The following ZNF362 variants were observed in gnomAD, a reference collection of about 807,000 sequenced individuals.
ZNF362 encodes zinc finger protein 362.
ZNF362 carries 11 observed loss-of-function variants against 42.9 expected under a neutral mutation model. The observed-to-expected ratio is 0.26, with a 90% CI of 0.16 to 0.42. The LOEUF (loss-of-function observed/expected upper bound fraction) is 0.42, where lower values mean the gene tolerates loss of function less well. ZNF362 is among the 20% of genes least tolerant of loss of function. ZNF362 has a pLI of 1.00. For missense variants in ZNF362, 362 were observed against 576.2 expected, an observed-to-expected ratio of 0.63 and a Z score of 3.81; for synonymous variants, 255 against 257.3, an observed-to-expected ratio of 0.99 and a Z score of 0.09.
the ZNF362 span, chr1:33,195,881 C>A: frequency 6.6e-6 from 1 of 151,954 alleles, no homozygotes; most frequent in Non-Finnish European, 1.5e-5. Flanking sequence ...AATAAATTAA[C>A]CTTAGCTTTC....
the ZNF362 span, among the ~76,000 whole-genome samples, chr1:33,167,662 C>G: frequency 1.3e-5 from 2 of 152,204 alleles, no homozygotes; most frequent in African/African-American, 4.8e-5. The surrounding 1 kb of genome is among the most constrained non-coding windows in gnomAD (Gnocchi z 4.2). Context: ...CCAAGTCAGT[C>G]TGGGCTGTGA....
chr1:33,166,489 C>A, the ZNF362 span, among the ~76,000 whole-genome samples: 1 of 152,128 alleles, frequency 6.6e-6, no homozygotes, highest in African/African-American at 2.4e-5. Context: ...GTGGGCTGGG[C>A]ACAGTTCTTA....
chr1:33,183,281 T>C, the ZNF362 span, among the ~76,000 whole-genome samples: 2 of 152,304 alleles, frequency 1.3e-5, no homozygotes, highest in South Asian at 2.1e-4. Flanking sequence ...AGAAATATCT[T>C]CATTGGTGTT....
At chr1:33,136,232 T>A in the ZNF362 span, among the ~76,000 whole-genome samples, 1 of 150,920 alleles carries the variant, frequency 6.6e-6, no homozygotes. Flanking sequence ...CCTTTCTTTC[T>A]CTTTCTTTTC....
chr1:33,243,056 A>G, the ZNF362 span, among the ~76,000 whole-genome samples: 1 of 152,046 alleles, frequency 6.6e-6, no homozygotes, highest in Non-Finnish European at 1.5e-5. Flanking sequence ...ATAATGAGAG[A>G]TATTCAAAAT....
At chr1:33,190,023 G>A in the ZNF362 span, among the ~76,000 whole-genome samples, 5 of 152,054 alleles carry the variant, frequency 3.3e-5, no homozygotes, top group East Asian at 1.9e-4. Context: ...GTGTCAGTCC[G>A]GACTCTGAAT....
chr1:33,218,666 A>C, the ZNF362 span, among the ~76,000 whole-genome samples: 1 of 152,080 alleles, frequency 6.6e-6, no homozygotes, highest in Non-Finnish European at 1.5e-5. Context: ...TCTTTTGTGA[A>C]ATGGCCTGTT....
At chr1:33,161,456 C>G in the ZNF362 span, among the ~76,000 whole-genome samples, 3 of 152,116 alleles carry the variant, frequency 2.0e-5, no homozygotes, top group Non-Finnish European at 4.4e-5. The surrounding 1 kb of genome is among the most constrained non-coding windows in gnomAD (Gnocchi z 4.3). Context: ...GTGCCCAGGG[C>G]TCTGTGGGAG....
At position 33,276,471 on chromosome 1, in the gene ZNF362, G is replaced by T. The variant is rs746967426; in HGVS notation, c.226G>T (p.Ala76Ser). ...GCCGTTGCTAGTGCCGCCGGCACCC[G>T]CCGAGAGCAGCCAGGCCGTCATGTC... ...QQPLLVPPAP[A>S]ESSQAVMSLP... The change falls in exon 4 of 9, where the codon GCC (alanine) becomes TCC (serine). Residue 76 changes from alanine to serine, a missense_variant. By Grantham distance (99) the Ala-to-Ser change is moderately conservative (BLOSUM62 1). Coordinates refer to ENST00000539719, the MANE Select transcript of ZNF362 (RefSeq NM_152493.3). 1.9e-6 allele frequency: 3 copies of T among 1,589,408 alleles called. No homozygotes were observed. The highest frequency in any genetic ancestry group is 4.6e-5 in the East Asian group (2 of 43,696).
the ZNF362 span, among the ~76,000 whole-genome samples, chr1:33,191,306 T>C: frequency 6.6e-6 from 1 of 152,194 alleles, no homozygotes; most frequent in Admixed American, 6.5e-5. Flanking sequence ...CCAAGTGTTC[T>C]TGCCAGGATG....
the ZNF362 span, among the ~76,000 whole-genome samples, chr1:33,148,525 G>T: frequency 6.6e-6 from 1 of 152,162 alleles, no homozygotes; most frequent in African/African-American, 2.4e-5. Flanking sequence ...AGGCAGGATG[G>T]TGTTTTACCT....
At chr1:33,182,297 A>C in the ZNF362 span, among the ~76,000 whole-genome samples, 1 of 152,396 alleles carries the variant, frequency 6.6e-6, no homozygotes, top group East Asian at 1.9e-4. Flanking sequence ...ATTTGAGAGC[A>C]CAACAAATAA....
At chr1:33,268,081 T>A (rs1324916370) in intron 1 of ZNF362, among the ~76,000 whole-genome samples, 4 of 152,254 alleles carry the variant, frequency 2.6e-5, no homozygotes, top group Non-Finnish European at 5.9e-5. Flanking sequence ...TTTTCACTGC[T>A]ATGGAAGCAG....
the ZNF362 span, among the ~76,000 whole-genome samples, chr1:33,191,258 T>G: frequency 6.6e-6 from 1 of 152,222 alleles, no homozygotes; most frequent in Non-Finnish European, 1.5e-5. Flanking sequence ...ACCTCCTGAT[T>G]GGACACTGAT....
chr1:33,237,401 C>T, the ZNF362 span, among the ~76,000 whole-genome samples: 10 of 152,118 alleles, frequency 6.6e-5, no homozygotes, highest in Non-Finnish European at 4.4e-5. Flanking sequence ...AGGACTATCT[C>T]ACTGGTCTCT....
At chr1:33,219,003 G>A in the ZNF362 span, among the ~76,000 whole-genome samples, 2 of 138,252 alleles carry the variant, frequency 1.4e-5, no homozygotes, top group African/African-American at 2.6e-5. Context: ...CTGCCCCCCC[G>A]CAAGAGACTT....
the ZNF362 span, among the ~76,000 whole-genome samples, chr1:33,235,049 T>C: frequency 0.98 from 149,558 of 152,208 alleles, 73,519 homozygotes; most frequent in East Asian, 1. Context: ...CCTCTGTTAG[T>C]CACCTGTGAT....
chr1:33,158,109 G>C, the ZNF362 span: 1 of 661,172 alleles, frequency 1.5e-6, no homozygotes, highest in South Asian at 1.8e-5. Flanking sequence ...CAGGTGCCCA[G>C]GACAGGTCCT....
At chr1:33,285,270 C>T (rs368106979) in intron 6 of ZNF362, among the ~76,000 whole-genome samples, 10 of 152,100 alleles carry the variant, frequency 6.6e-5, no homozygotes, top group East Asian at 5.8e-4. Context: ...AAAAATTAGC[C>T]GAGTGTGGTG....
Sources: allele counts gnomAD v4.1 joint callset (sites outside exome capture counted in the v4.1 genomes callset), GRCh38; gene constraint gnomAD v4.1.1; non-coding constraint Gnocchi (gnomAD v3.1); transcripts MANE v1.5; gene names NCBI Gene and HGNC (gene_info 2026-07-23, HGNC 2026-07-21).